Variants in PCDHGA5 observed in about 807,000 individuals in gnomAD.
PCDHGA5 encodes the protein protocadherin gamma-A5.
PCDHGA5 carries 36 observed loss-of-function variants against 56.7 expected under a neutral mutation model. The observed-to-expected ratio is 0.64, with a 90% CI of 0.49 to 0.84. The LOEUF is 0.84. PCDHGA5 is among the 40% of genes least tolerant of loss of function. The pLI, the probability that PCDHGA5 is intolerant of heterozygous loss-of-function variation, is 0.00. For synonymous variants in PCDHGA5, 563 were observed against 520.2 expected (o/e 1.08, Z -1.12); for missense variants, 1,305 against 1,201.5 (o/e 1.09, Z -1.27).
intron 1 of PCDHGA5, among the ~76,000 whole-genome samples, chr5:141,425,471 T>A (rs2096877403): frequency 6.6e-6 from 1 of 152,218 alleles, no homozygotes; most frequent in African/African-American, 2.4e-5. Flanking sequence ...TGTTATTAAT[T>A]CCTATGGCAA....
At position 141,487,276 on chromosome 5, in the gene PCDHGA5, C is replaced by G; in HGVS notation, c.2422-7531C>G. On this transcript the variant is annotated intron_variant, in intron 1 of 3. Coordinates refer to ENST00000518069, the MANE Select transcript of PCDHGA5 (RefSeq NM_018918.3). The surrounding 1 kb of genome is among the most constrained non-coding windows in gnomAD (Gnocchi z 5.0). ...TGGCTGTGTCCCTAGTGGCAATTTG[C>G]TTTGTCTCCTTTGGCTCATTCGTGG... 1 of 1,614,158 alleles carries G rather than the reference C, an allele frequency of 6.2e-7. No homozygotes were observed. The highest frequency in any genetic ancestry group is 1.1e-5 in the South Asian group (1 of 91,082).
chr5:141,370,278 A>G, intron 1 of PCDHGA5: 2 of 888,588 alleles, frequency 2.3e-6, no homozygotes, highest in Non-Finnish European at 3.4e-6. Flanking sequence ...GGAGACACCC[A>G]TTAGAGAACC....
chr5:141,370,428 G>T (rs1480841045), intron 1 of PCDHGA5: 2 of 1,598,192 alleles, frequency 1.3e-6, no homozygotes, highest in Non-Finnish European at 1.7e-6. Context: ...GGGCCCAGCA[G>T]GGCAGAGGCG....
intron 1 of PCDHGA5, among the ~76,000 whole-genome samples, chr5:141,452,103 TTTCTC>T (rs1428635203): frequency 1.3e-5 from 2 of 152,186 alleles, no homozygotes; most frequent in African/African-American, 4.8e-5. Context: ...AGAGCTTTCT[TTTCTC>T]TTCTTATTTA....
intron 1 of PCDHGA5, chr5:141,388,159 G>A (rs1420782628): frequency 6.8e-7 from 1 of 1,473,814 alleles, no homozygotes; most frequent in African/African-American, 1.4e-5. Context: ...AGGCTAGACA[G>A]GGAGGAGATA....
At chr5:141,375,835 C>G (rs772317330) in intron 1 of PCDHGA5, 1 of 1,613,984 alleles carries the variant, frequency 6.2e-7, no homozygotes, top group African/African-American at 1.3e-5. Context: ...CCGCAGAGCC[C>G]GGCTACCTGG....
Position 141,494,872 on chromosome 5 carries a change from G to A in PCDHGA5, c.2480+7G>A. On this transcript the variant is annotated splice_region_variant and intron_variant, in intron 2 of 3. Transcript: ENST00000518069. ...AGAGACCCGGCACCAGCGGGTAGGT[G>A]ACTGATTCTCCAGCCCACCCTCTTC... 1 of 1,614,128 alleles carries A rather than the reference G, an allele frequency of 6.2e-7. No individual in the cohort carries two copies. Among genetic ancestry groups the A allele is most frequent in the South Asian group, 1.1e-5 (1 of 91,074 alleles).
At chr5:141,451,127 CT>C (rs1264048458) in intron 1 of PCDHGA5, among the ~76,000 whole-genome samples, 1 of 152,132 alleles carries the variant, frequency 6.6e-6, no homozygotes, top group Non-Finnish European at 1.5e-5. Context: ...CACACCCAGC[CT>C]TATGATTGTA....
intron 2 of PCDHGA5, among the ~76,000 whole-genome samples, chr5:141,498,945 G>C (rs1421135706): frequency 8.0e-6 from 1 of 125,434 alleles, no homozygotes; most frequent in Non-Finnish European, 1.6e-5. Context: ...AAGAAAGAAA[G>C]AAAAAGAGAG....
intron 1 of PCDHGA5, among the ~76,000 whole-genome samples, chr5:141,483,361 A>C (rs752805137): frequency 4.6e-5 from 7 of 152,102 alleles, no homozygotes; most frequent in Non-Finnish European, 7.4e-5. Flanking sequence ...TTTGAAAGCT[A>C]TTGCAATATT....
intron 1 of PCDHGA5, chr5:141,393,135 A>T: frequency 6.2e-7 from 1 of 1,613,294 alleles, no homozygotes; most frequent in Non-Finnish European, 8.5e-7. Context: ...AAATATTAAC[A>T]CCCTGGTTGA....
chr5:141,497,406 C>T lies in PCDHGA5; in HGVS notation c.2480+2541C>T, dbSNP rs892691245. 1.2e-4 allele frequency among the ~76,000 whole-genome samples: 19 copies of T among 152,174 alleles called. No individual in the cohort carries two copies. The East Asian group carries it at 1.5e-3, about 12-fold the overall frequency. ...AGCACCTTACCCCTGCCTCAACTCC[C>T]ATTCCATCAAATGAGAGGCTTAGTG... On this transcript the variant is annotated intron_variant, in intron 2 of 3. Transcript: ENST00000518069.
chr5:141,408,202 G>A (rs778320550), intron 1 of PCDHGA5: 6 of 1,549,832 alleles, frequency 3.9e-6, no homozygotes, highest in African/African-American at 1.4e-5. Flanking sequence ...CCGAGCGAAC[G>A]ATGGGAGGGA....
In PCDHGA5 at chr5:141,409,971, A is replaced by G. The variant is rs758876775; in HGVS notation, c.2421+43220A>G. On this transcript the variant is annotated intron_variant, in intron 1 of 3. Coordinates refer to ENST00000518069, the MANE Select transcript of PCDHGA5 (RefSeq NM_018918.3). ...GCAGAGCCCGGCTACCTAGTGACTAAGGTGGTAGCGGTGGACGCCGACTCG... is the reference window on the plus strand; with the variant it reads ...GCAGAGCCCGGCTACCTAGTGACTAGGGTGGTAGCGGTGGACGCCGACTCG... 2.9e-5 allele frequency: 47 copies of G among 1,613,202 alleles called. No homozygotes were observed. The highest frequency in any genetic ancestry group is 3.8e-5 in the Non-Finnish European group (45 of 1,179,806).
Position 141,366,266 on chromosome 5 carries a change from G to C in PCDHGA5, c.1936G>C (p.Val646Leu), listed in dbSNP as rs1014933070. 8 of 1,613,680 alleles carry C rather than the reference G, an allele frequency of 5.0e-6. No homozygotes were observed. Among genetic ancestry groups the C allele is most frequent in the Non-Finnish European group, 6.8e-6 (8 of 1,180,028 alleles). Residue 646 changes from valine (V) to leucine (L), a missense_variant, in exon 1 of 4, where the codon GTC becomes CTC. Transcript: ENST00000518069. ...DALKQSLVVA[V>L]EDHGQPPLSA... ...GCTCAAGCAGAGCCTCGTGGTGGCC[G>C]TCGAAGACCATGGCCAGCCCCCTCT...
chr5:141,457,429 C>G (rs73280316), intron 1 of PCDHGA5, among the ~76,000 whole-genome samples: 1,780 of 152,292 alleles, frequency 0.012, 30 homozygotes, highest in African/African-American at 0.04. Context: ...TTTTCCCCCC[C>G]ACCAAGCTGC....
At chr5:141,478,050 CG>C in intron 1 of PCDHGA5, 1 of 1,614,184 alleles carries the variant, frequency 6.2e-7, no homozygotes, top group Non-Finnish European at 8.5e-7. Context: ...CAGACTCTCA[CG>C]GTCTTGATCA....
chr5:141,381,820 C>CTTTCT (rs1279410534), intron 1 of PCDHGA5, among the ~76,000 whole-genome samples: 20 of 119,922 alleles, frequency 1.7e-4, no homozygotes, highest in African/African-American at 3.7e-4. Flanking sequence ...TTCTTTCTTT[C>CTTTCT]TTCTTCTTTT....
At chr5:141,415,701 T>C in intron 1 of PCDHGA5, 2 of 1,506,520 alleles carry the variant, frequency 1.3e-6, no homozygotes, top group Non-Finnish European at 1.8e-6. Context: ...AAAGTGTAAA[T>C]GCTAAAACAC....
Sources: allele counts gnomAD v4.1 joint callset (sites outside exome capture counted in the v4.1 genomes callset), GRCh38; gene constraint gnomAD v4.1.1; non-coding constraint Gnocchi (gnomAD v3.1); transcripts MANE v1.5; gene names NCBI Gene and HGNC (gene_info 2026-07-23, HGNC 2026-07-21).